PEG3: variants seen among roughly 807,000 people sequenced by gnomAD.
PEG3 encodes the protein paternally-expressed gene 3 protein.
PEG3 carries 23 observed loss-of-function variants against 35.5 expected under a neutral mutation model. That is an observed-to-expected ratio of 0.65 (90% CI 0.47 to 0.92). PEG3 has a LOEUF of 0.92. Among genes scored for constraint, PEG3 ranks in the 40% least tolerant of loss-of-function variants. PEG3 has a pLI of 0.00. For missense variants in PEG3, 1,960 were observed against 1,985.3 expected (o/e 0.99, Z 0.24); for synonymous variants, 707 against 697.0 (o/e 1.01, Z -0.23).
rs374250449 is a variant in PEG3, at chr19:56,813,633, T to C, written c.*42A>G. The C allele has an allele frequency of 2.5e-6, 4 of 1,573,536 alleles. No individual in the cohort carries two copies. In the African/African-American group the frequency reaches 5.4e-5, roughly 21 times the overall value. On this transcript the variant is annotated 3_prime_UTR_variant, in exon 10 of 10. Transcript: ENST00000326441. Reference sequence around the variant, plus strand: ...TGGATTCTCTGTGGTTTGGTAAGGGTCAAGTCCTAGGTGAAGGTTTTCTAA... The same window carrying C: ...TGGATTCTCTGTGGTTTGGTAAGGGCCAAGTCCTAGGTGAAGGTTTTCTAA...
At chr19:56,831,237 G>A (rs2061544354) in intron 2 of PEG3, among the ~76,000 whole-genome samples, 1 of 152,126 alleles carries the variant, frequency 6.6e-6, no homozygotes, top group African/African-American at 2.4e-5. Context: ...ATACCACTGG[G>A]ACATAACAGA....
In PEG3 at chr19:56,817,464, G is replaced by C; in HGVS notation, c.978C>G (p.Ser326=). The C allele has an allele frequency of 6.2e-7, 1 of 1,612,494 alleles. No homozygotes were observed. The highest frequency in any genetic ancestry group is 8.5e-7 in the Non-Finnish European group (1 of 1,178,840). ...TTGACTCCCTTGCTCTTCCCGATTT[G>C]GAACTGCGTGACACATCCTTGATGA... ...EKFIKDVSRS[S]KSGRARESSD... is the part of the protein sequence containing the mutation. The change falls in exon 10 of 10, where the codon TCC becomes TCG. Residue 326 remains serine, a synonymous_variant. Transcript: ENST00000326441.
chr19:56,817,121 C>G lies in PEG3; in HGVS notation c.1321G>C (p.Glu441Gln). 1 of 1,614,122 alleles carries G rather than the reference C, an allele frequency of 6.2e-7. No individual in the cohort carries two copies. The highest frequency in any genetic ancestry group is 1.1e-5 in the South Asian group (1 of 91,070). Residue 441 changes from glutamate (E) to glutamine (Q), a missense_variant, in exon 10 of 10, where the codon GAG becomes CAG. Glu to Gln is a conservative substitution (Grantham distance 29). Transcript: ENST00000326441. ...LSSLSSPSFT[E>Q]SQPIDFGAMP... ...GCCCCAAAATCAATTGGCTGTGACT[C>G]GGTAAAGGAGGGGGAGCTGAGGCTG...
chr19:56,831,213 G>A (rs1280839736), intron 2 of PEG3, among the ~76,000 whole-genome samples: 1 of 152,148 alleles, frequency 6.6e-6, no homozygotes, highest in Non-Finnish European at 1.5e-5. Flanking sequence ...AAGGATATAA[G>A]CACTAGGACA....
intron 2 of PEG3, among the ~76,000 whole-genome samples, chr19:56,835,279 C>G (rs1379690726): frequency 6.6e-6 from 1 of 152,190 alleles, no homozygotes. Flanking sequence ...CACTTAAGGT[C>G]AAGCCCAGTT....
At position 56,812,513 on chromosome 19, in the gene PEG3, AG is replaced by A; in HGVS notation, c.*1161del. 1 of 985,730 alleles carries A rather than the reference AG, an allele frequency of 1.0e-6. No individual in the cohort carries two copies. The highest frequency in any genetic ancestry group is 1.2e-6 in the Non-Finnish European group (1 of 829,844). 61.1% of individuals were successfully genotyped at this position (985,730 alleles called of 1,614,324 possible). ...AGCGATAGAAAGATCTAAGGATACT[AG>A]CTCCTGGGCACCTAGGGTGCAAACT... On this transcript the variant is annotated 3_prime_UTR_variant, in exon 10 of 10. Transcript: ENST00000326441.
chr19:56,837,345 A>G (rs1388547840), intron 1 of PEG3, among the ~76,000 whole-genome samples: 1 of 152,142 alleles, frequency 6.6e-6, no homozygotes, highest in African/African-American at 2.4e-5. Context: ...TTCCACCTCC[A>G]GCTGTACGAT....
In PEG3 at chr19:56,815,546, C is replaced by G; in HGVS notation, c.2896G>C (p.Gly966Arg). ...CACTCCTGACATTCATAGAGCATCCCTCGAGGGCGAAATGTTTGTTCACCA... is the reference window on the plus strand; with the variant it reads ...CACTCCTGACATTCATAGAGCATCCGTCGAGGGCGAAATGTTTGTTCACCA... ...PFGEQTFRPRGMLYECQECGE... is the reference protein window; with the variant it reads ...PFGEQTFRPRRMLYECQECGE... The change falls in exon 10 of 10, where the codon GGG (glycine) becomes CGG (arginine). Residue 966 changes from glycine to arginine, a missense_variant. Around this residue, in one of 5 missense-constraint regions of PEG3, gnomAD observed 798 missense variants for 782.4 expected, o/e 1.02. Transcript: ENST00000326441. 2 of 1,614,096 alleles carry G rather than the reference C, an allele frequency of 1.2e-6. No homozygotes were observed. The highest frequency in any genetic ancestry group is 8.5e-7 in the Non-Finnish European group (1 of 1,179,946).
intron 1 of PEG3, among the ~76,000 whole-genome samples, chr19:56,836,969 CA>C (rs573566620): frequency 1.4e-3 from 160 of 116,858 alleles, no homozygotes; most frequent in African/African-American, 4.7e-3. Flanking sequence ...GACTCTGTCT[CA>C]AAAAAAAAAA....
chr19:56,810,140 T>A lies in PEG3; in HGVS notation c.*3535A>T. 1 of 973,108 alleles carries A rather than the reference T, an allele frequency of 1.0e-6. No homozygotes were observed. The highest frequency in any genetic ancestry group is 4.8e-5 in the South Asian group (1 of 21,048). The allele number at this position is 973,108 out of a possible 1,614,324, so 60.3% of individuals were successfully genotyped here. On this transcript the variant is annotated 3_prime_UTR_variant, in exon 10 of 10. Transcript: ENST00000326441. Reference sequence around the variant, plus strand: ...ATTACAGATAGAATGACCACAACCATATTAACAAACCAAAAACCTGTGCAC... The same window carrying A: ...ATTACAGATAGAATGACCACAACCAAATTAACAAACCAAAAACCTGTGCAC...
rs2059957216 is a variant in PEG3 at position 56,816,137 on chromosome 19, A to G, written c.2305T>C (p.Tyr769His). ...NQKIPTKENV[Y>H]EAKSYERSVI... ...GACCTCTCATATGATTTTGCCTCAT[A>G]GACATTTTCCTTAGTGGGAATCTTC... The change falls in exon 10 of 10, where the codon TAT (tyrosine) becomes CAT (histidine). Residue 769 changes from tyrosine (Y) to histidine (H), a missense_variant. By Grantham distance (83) the Tyr-to-His change is moderately conservative (BLOSUM62 2). Transcript: ENST00000326441. 1 of 1,613,732 alleles carries G rather than the reference A, an allele frequency of 6.2e-7. No individual in the cohort carries two copies. The highest frequency in any genetic ancestry group is 8.5e-7 in the Non-Finnish European group (1 of 1,179,830).
In PEG3 at chr19:56,813,384, C is replaced by G; in HGVS notation, c.*291G>C. 8.4e-7 allele frequency: 1 copy of G among 1,192,048 alleles called. No individual in the cohort carries two copies. 73.8% of individuals were successfully genotyped at this position (1,192,048 alleles called of 1,614,324 possible). A position where few individuals can be genotyped will look rare whatever the true frequency, so the allele number is the denominator to read the frequency against. ...GTCATTTACAGTTGATTTGGGCAAACTCTGTAGTCTGGAATACTCATAGGG... is the reference window on the plus strand; with the variant it reads ...GTCATTTACAGTTGATTTGGGCAAAGTCTGTAGTCTGGAATACTCATAGGG... On this transcript the variant is annotated 3_prime_UTR_variant, in exon 10 of 10. Transcript: ENST00000326441.
Position 56,814,904 on chromosome 19 carries a change from C to G in PEG3, c.3538G>C (p.Glu1180Gln). Residue 1180 changes from glutamate (E) to glutamine (Q), a missense_variant, in exon 10 of 10, where the codon GAG (glutamate) becomes CAG (glutamine). This residue lies in a region of PEG3 where 124 missense variants were observed against 179.6 expected (regional missense o/e 0.69). Transcript: ENST00000326441. This position sits in a 1 kb window ranked among gnomAD's most constrained non-coding sequence, Gnocchi z 5.8. ...TCTTGTTCATGGATTCTCTGATGCTCGAAAAGGAATGAGCTATGAATAAAA... is the reference window on the plus strand; with the variant it reads ...TCTTGTTCATGGATTCTCTGATGCTGGAAAAGGAATGAGCTATGAATAAAA... ...ESFIHSSFLF[E>Q]HQRIHEQDQL... is the part of the protein sequence containing the mutation. 6.2e-7 allele frequency: 1 copy of G among 1,614,108 alleles called. No individual in the cohort carries two copies. The highest frequency in any genetic ancestry group is 8.5e-7 in the Non-Finnish European group (1 of 1,180,028).
chr19:56,837,865 G>A (rs569285346), intron 1 of PEG3, among the ~76,000 whole-genome samples: 1 of 152,194 alleles, frequency 6.6e-6, no homozygotes, highest in East Asian at 1.9e-4. Flanking sequence ...TAGGATGGAC[G>A]GGGCTCACGC....
rs769292383 is a variant in PEG3, at chr19:56,824,571, TAGTCA to T, written c.80_84del (p.Leu27Ter). 2 of 1,614,146 alleles carry T rather than the reference TAGTCA, an allele frequency of 1.2e-6. No individual in the cohort carries two copies. Among genetic ancestry groups the T allele is most frequent in the East Asian group, 4.5e-5 (2 of 44,870 alleles). ...TCTCCTATGATGACATCCGGCTCCTTAGTCAAGTCACTGTCTAGCTCATACAGATT... is the reference window on the plus strand; with the variant it reads ...TCTCCTATGATGACATCCGGCTCCTTAGTCACTGTCTAGCTCATACAGATT... On this transcript the variant is annotated frameshift_variant, in exon 4 of 10. Coordinates refer to ENST00000326441, the MANE Select transcript of PEG3 (RefSeq NM_006210.3). LOFTEE classifies it high-confidence loss of function.
Position 56,812,897 on chromosome 19 carries a change from CCAAT to C in PEG3, c.*774_*777del. ...CTTCAACAAACATAACATGTGGCAA[CCAAT>C]CAATCTGGGTCACAAAAAGCCAATC... On this transcript the variant is annotated 3_prime_UTR_variant, in exon 10 of 10. Transcript: ENST00000326441. The C allele has an allele frequency of 1.0e-6, 1 of 984,714 alleles. No individual in the cohort carries two copies. Among genetic ancestry groups the C allele is most frequent in the Non-Finnish European group, 1.2e-6 (1 of 829,818 alleles). 61.0% of individuals were successfully genotyped at this position (984,714 alleles called of 1,614,324 possible).
rs143583223 is a variant in PEG3, at chr19:56,813,705, G to A, written c.4737C>T (p.Leu1579=). The A allele has an allele frequency of 1.3e-5, 21 of 1,613,750 alleles. No homozygotes were observed. The highest frequency in any genetic ancestry group is 2.2e-5 in the East Asian group (1 of 44,848). The change falls in exon 10 of 10, where the codon CTC becomes CTT. Residue 1579 remains leucine (L), a synonymous_variant. Transcript: ENST00000326441. The part of the protein sequence containing the change: ...CGQLFNDRLS[L]ARHQNTHTG ...CAGTGTGGGTATTCTGGTGTCTGGC[G>A]AGGGACAGGCGGTCATTGAAGAGCT...
chr19:56,822,726 C>CTGGGAAAGAAAG lies in PEG3; in HGVS notation c.565+15_565+26dup, dbSNP rs762337984. 318 of 1,612,870 alleles carry CTGGGAAAGAAAG rather than the reference C, an allele frequency of 2.0e-4. 3 individuals carry two copies. In the South Asian group the frequency reaches 3.2e-3, roughly 16 times the overall value. On this transcript the variant is annotated intron_variant, in intron 6 of 9. Coordinates refer to ENST00000326441, the MANE Select transcript of PEG3 (RefSeq NM_006210.3). Reference sequence around the variant, plus strand: ...CACAGCACATGCTCTATATCTCCTACTGGGAAAGAAAGTGGTTAAGACTCA... The same window carrying CTGGGAAAGAAAG: ...CACAGCACATGCTCTATATCTCCTACTGGGAAAGAAAGTGGGAAAGAAAGTGGTTAAGACTCA...
rs765779144 is a variant in PEG3 at position 56,817,139 on chromosome 19, T to C, written c.1303A>G (p.Ser435Gly). The change falls in exon 10 of 10, where the codon AGC becomes GGC. Residue 435 changes from serine to glycine, a missense_variant. Transcript: ENST00000326441. ...TGTGACTCGGTAAAGGAGGGGGAGC[T>C]GAGGCTGCTCAGGCTGCTCACGCTC... is the stretch of plus-strand genomic sequence containing the variant. ...AMSVSSLSSL[S>G]SPSFTESQPI... 9.3e-6 allele frequency: 15 copies of C among 1,614,086 alleles called. No individual in the cohort carries two copies. In the East Asian group the frequency reaches 2.2e-4, roughly 24 times the overall value.
Sources: gnomAD v4.1 joint callset for allele counts (sites outside exome capture counted in the v4.1 genomes callset) on GRCh38, gnomAD v4.1.1 for gene constraint, gnomAD v4.1.1 regional missense constraint, Gnocchi (gnomAD v3.1) non-coding constraint, MANE v1.5 for transcripts, NCBI Gene and HGNC (gene_info 2026-07-23, HGNC 2026-07-21) for gene names.